The following CLEC16A variants were observed in gnomAD, a reference collection of about 807,000 sequenced individuals.
The protein encoded by CLEC16A is protein CLEC16A.
CLEC16A carries 51 observed loss-of-function variants against 109.5 expected under a neutral mutation model. That is an observed-to-expected ratio of 0.47 (90% CI 0.37 to 0.59). The LOEUF (loss-of-function observed/expected upper bound fraction) is 0.59, where lower values mean the gene tolerates loss of function less well. Ranked by LOEUF, CLEC16A falls within the 20% of genes least tolerant of loss-of-function variation. CLEC16A has a pLI of 0.00. For synonymous variants in CLEC16A, 673 were observed against 564.2 expected (o/e 1.19, Z -2.73); for missense variants, 1,339 against 1,394.0 (o/e 0.96, Z 0.63).
chr16:10,984,281 C>T (rs2043495096), intron 10 of CLEC16A, among the ~76,000 whole-genome samples: 1 of 152,144 alleles, frequency 6.6e-6, no homozygotes, highest in African/African-American at 2.4e-5. Context: ...TTCAGGGGAG[C>T]ATTAGCGCCT....
At chr16:11,025,493 G>T (rs764086314) in intron 13 of CLEC16A, among the ~76,000 whole-genome samples, 2 of 152,124 alleles carry the variant, frequency 1.3e-5, no homozygotes, top group African/African-American at 2.4e-5. Flanking sequence ...CCTTGCTGCC[G>T]ACCCCTGGGA....
intron 22 of CLEC16A, chr16:11,149,916 T>C (rs2054228042): frequency 6.6e-6 from 1 of 152,200 alleles, no homozygotes; most frequent in East Asian, 1.9e-4. Flanking sequence ...ATTTCATACA[T>C]GTGCCAGAGC....
intron 19 of CLEC16A, among the ~76,000 whole-genome samples, chr16:11,082,276 C>T (rs2049767591): frequency 6.6e-6 from 1 of 152,210 alleles, no homozygotes; most frequent in Admixed American, 6.5e-5. Flanking sequence ...TGCAGATCTG[C>T]TCGTGGACAG....
intron 19 of CLEC16A, chr16:11,070,777 G>T: frequency 6.6e-6 from 1 of 152,336 alleles, no homozygotes. Flanking sequence ...ACCCACCTCA[G>T]AGTCTTTGCT....
intron 19 of CLEC16A, among the ~76,000 whole-genome samples, chr16:11,078,089 T>C (rs1434777338): frequency 6.6e-6 from 1 of 151,422 alleles, no homozygotes; most frequent in African/African-American, 2.4e-5. Context: ...TGCCTGAAAA[T>C]AGAAGTGAAA....
chr16:11,001,665 C>T (rs540087425), intron 10 of CLEC16A, among the ~76,000 whole-genome samples: 1 of 152,176 alleles, frequency 6.6e-6, no homozygotes, highest in East Asian at 1.9e-4. Flanking sequence ...TTGACACTAG[C>T]CTCATTCTGT....
At chr16:10,995,679 G>A (rs2044284599) in intron 10 of CLEC16A, among the ~76,000 whole-genome samples, 1 of 152,128 alleles carries the variant, frequency 6.6e-6, no homozygotes, top group Non-Finnish European at 1.5e-5. Flanking sequence ...CGTGTGATAT[G>A]GAACTACTCT....
chr16:11,017,404 T>C (rs907944499), intron 11 of CLEC16A, among the ~76,000 whole-genome samples: 1 of 152,140 alleles, frequency 6.6e-6, no homozygotes, highest in Non-Finnish European at 1.5e-5. Context: ...TCACAATGAA[T>C]GCTATTATTA....
intron 19 of CLEC16A, among the ~76,000 whole-genome samples, chr16:11,077,315 C>T (rs192325895): frequency 6.6e-6 from 1 of 151,688 alleles, no homozygotes; most frequent in Admixed American, 6.6e-5. Flanking sequence ...CCTAAAAATA[C>T]AAAAAAATTA....
chr16:11,122,896 C>CTTTTTTTTTTTTTTTTTTTTTTTTTTTTT (rs1002354410), intron 20 of CLEC16A, among the ~76,000 whole-genome samples: 1 of 73,772 alleles, frequency 1.4e-5, no homozygotes, highest in Non-Finnish European at 2.4e-5. Flanking sequence ...CTATCCCTTT[C>CTTTTTTTTTTTTTTTTTTTTTTTTTTTTT]TTTTTTTTTT....
At chr16:11,032,579 T>C in intron 13 of CLEC16A, among the ~76,000 whole-genome samples, 1 of 151,938 alleles carries the variant, frequency 6.6e-6, no homozygotes, top group South Asian at 2.1e-4. Flanking sequence ...TAGAAGGAAA[T>C]GAACAGGGTG....
At chr16:10,958,363 G>A (rs973246804) in intron 2 of CLEC16A, among the ~76,000 whole-genome samples, 6 of 152,046 alleles carry the variant, frequency 3.9e-5, no homozygotes, top group Non-Finnish European at 8.8e-5. Flanking sequence ...AGGCCCTGTT[G>A]GTGTCCCCTT....
At chr16:11,017,139 G>C (rs1256037751) in intron 11 of CLEC16A, among the ~76,000 whole-genome samples, 5 of 152,148 alleles carry the variant, frequency 3.3e-5, no homozygotes, top group African/African-American at 9.7e-5. Context: ...ACTTTGTCGG[G>C]GAGTGGCCCA....
Position 10,999,011 on chromosome 16 carries a change from A to T in CLEC16A, c.1072-4063A>T, listed in dbSNP as rs150048016. ...TTTAAGAAAAAACAAAAAACAAAAAACAGGTTTTTAAAATATAGAATAAAA... is the reference window on the plus strand; with the variant it reads ...TTTAAGAAAAAACAAAAAACAAAAATCAGGTTTTTAAAATATAGAATAAAA... On this transcript the variant is annotated intron_variant, in intron 10 of 23. Transcript: ENST00000409790. 1.4e-3 allele frequency among the ~76,000 whole-genome samples: 219 copies of T among 152,164 alleles called. 1 individual carries two copies. The highest frequency in any genetic ancestry group is 6.8e-3 in the Middle Eastern group (2 of 294).
intron 22 of CLEC16A, among the ~76,000 whole-genome samples, chr16:11,160,477 C>T (rs1468651277): frequency 1.3e-5 from 2 of 152,086 alleles, no homozygotes; most frequent in Admixed American, 6.5e-5. Flanking sequence ...TTCATAAGCC[C>T]TAGGTGGCGG....
chr16:11,018,243 A>T (rs535128538), intron 11 of CLEC16A, among the ~76,000 whole-genome samples: 1 of 151,196 alleles, frequency 6.6e-6, no homozygotes, highest in Non-Finnish European at 1.5e-5. Context: ...TGATCACACC[A>T]CTGCACTCTA....
chr16:11,047,500 C>T, intron 17 of CLEC16A, 158 bp downstream of exon 17: 2 of 436,686 alleles, frequency 4.6e-6, no homozygotes, highest in Non-Finnish European at 8.0e-6. Context: ...TTGTGATCCC[C>T]ACCACTGTTA....
At chr16:11,047,420 G>A in intron 17 of CLEC16A, 78 bp downstream of exon 17, 4 of 1,168,132 alleles carry the variant, frequency 3.4e-6, no homozygotes, top group Non-Finnish European at 4.7e-6. Flanking sequence ...ATCCCAGAGG[G>A]AGTTTTTTGA....
intron 19 of CLEC16A, among the ~76,000 whole-genome samples, chr16:11,088,750 T>G (rs2050145222): frequency 6.6e-6 from 1 of 152,196 alleles, no homozygotes; most frequent in African/African-American, 2.4e-5. Context: ...AAAATTGGCT[T>G]ACTTATTGCC....
Sources: allele counts gnomAD v4.1 joint callset (sites outside exome capture counted in the v4.1 genomes callset), GRCh38; gene constraint gnomAD v4.1.1; transcripts MANE v1.5; gene names NCBI Gene and HGNC (gene_info 2026-07-23, HGNC 2026-07-21).